TMEM236: variants seen among roughly 807,000 people sequenced by gnomAD.
The protein encoded by TMEM236 is transmembrane protein 236.
TMEM236 carries 11 observed loss-of-function variants against 14.7 expected under a neutral mutation model. That is an observed-to-expected ratio of 0.75 (90% CI 0.47 to 1.24). TMEM236 has a LOEUF of 1.24. TMEM236 is among the 50% of genes most tolerant of loss of function. The probability of loss-of-function intolerance (pLI) is 0.00; values close to 1 mark genes in which losing one functional copy is unlikely to be tolerated. For synonymous variants in TMEM236, 182 were observed against 168.6 expected (o/e 1.08, Z -0.62); for missense variants, 464 against 427.3 (o/e 1.09, Z -0.76).
chr10:17,771,573 G>A (rs1564596307), intron 2 of TMEM236, among the ~76,000 whole-genome samples, 192 bp downstream of exon 2: 2 of 152,202 alleles, frequency 1.3e-5, no homozygotes, highest in South Asian at 2.1e-4. Context: ...GGAAAGTCTA[G>A]TAGCCAATTT....
In TMEM236 at chr10:17,796,148, C is replaced by T. The variant is rs1036833113; in HGVS notation, c.700C>T (p.Arg234Trp). ...ILRMMSRRDVRAELFLWSFLL... is the reference protein window; with the variant it reads ...ILRMMSRRDVWAELFLWSFLL... The stretch of plus-strand genomic sequence containing the variant: ...GAGAATGATGTCCCGGCGAGATGTC[C>T]GGGCAGAGTTATTCTTATGGAGCTT... Residue 234 changes from arginine to tryptophan, a missense_variant, in exon 4 of 4, where the codon CGG becomes TGG. Arg to Trp is a moderately radical substitution (Grantham distance 101, BLOSUM62 -3). Transcript: ENST00000377495. The T allele has an allele frequency of 1.1e-4, 171 of 1,613,868 alleles. No homozygotes were observed. The East Asian group carries it at 2.4e-3, about 22-fold the overall frequency.
At chr10:17,795,557 CTA>C (rs1397961307) in intron 3 of TMEM236, among the ~76,000 whole-genome samples, 2 of 152,186 alleles carry the variant, frequency 1.3e-5, no homozygotes, top group Non-Finnish European at 2.9e-5. Context: ...TTCTCCACCT[CTA>C]TGTTTTTTCA....
intron 2 of TMEM236, among the ~76,000 whole-genome samples, chr10:17,772,130 G>A (rs1002827938): frequency 6.2e-4 from 95 of 152,276 alleles, no homozygotes; most frequent in Middle Eastern, 3.4e-3. Flanking sequence ...GGGGACCCAG[G>A]AAATATGGCC....
chr10:17,752,618 G>A, intron 1 of TMEM236, 66 bp downstream of exon 1: 1 of 1,518,568 alleles, frequency 6.6e-7, no homozygotes, highest in African/African-American at 1.4e-5. Context: ...CCAGGCTGGA[G>A]TGCAGTAGGG....
At chr10:17,791,379 GTC>G (rs1327281074) in intron 3 of TMEM236, among the ~76,000 whole-genome samples, 2 of 152,060 alleles carry the variant, frequency 1.3e-5, no homozygotes, top group African/African-American at 4.8e-5. Context: ...GATCGCTTGA[GTC>G]TGAGAGTTGG....
Position 17,776,166 on chromosome 10 carries a change from A to G in TMEM236, c.468A>G (p.Gln156=). 1 of 1,611,978 alleles carries G rather than the reference A, an allele frequency of 6.2e-7. No homozygotes were observed. Residue 156 remains glutamine (Q), a synonymous_variant, in exon 3 of 4, where the codon CAA becomes CAG. Coordinates refer to ENST00000377495, the MANE Select transcript of TMEM236 (RefSeq NM_001098844.3). ...KLRIYPLRGS[Q]KSSENGHIHS... Reference sequence around the variant, plus strand: ...GGATATATCCTCTTAGAGGGAGTCAAAAGAGTAAGTGTTCTTTTAAATGTG... The same window carrying G: ...GGATATATCCTCTTAGAGGGAGTCAGAAGAGTAAGTGTTCTTTTAAATGTG...
chr10:17,766,487 C>A (rs1276532747), intron 1 of TMEM236, among the ~76,000 whole-genome samples: 1 of 152,166 alleles, frequency 6.6e-6, no homozygotes. Flanking sequence ...TATATCCCTC[C>A]TCTTTTCTTT....
At chr10:17,768,978 T>C (rs1449139358) in intron 1 of TMEM236, among the ~76,000 whole-genome samples, 1 of 152,198 alleles carries the variant, frequency 6.6e-6, no homozygotes, top group East Asian at 1.9e-4. Flanking sequence ...TAAGTACATT[T>C]ACATTGTTGT....
At chr10:17,779,730 A>G (rs983696535) in intron 3 of TMEM236, among the ~76,000 whole-genome samples, 3 of 152,214 alleles carry the variant, frequency 2.0e-5, no homozygotes, top group Admixed American at 2.0e-4. Context: ...GTTTTAAACC[A>G]GACCCACAGT....
chr10:17,775,920 T>C, intron 2 of TMEM236, 109 bp from the exon 3 acceptor site: 2 of 1,406,492 alleles, frequency 1.4e-6, no homozygotes, highest in Non-Finnish European at 1.0e-6. Context: ...TTCTAGTTTT[T>C]TAGTAAATGT....
chr10:17,780,958 A>G (rs1362414582), intron 3 of TMEM236, among the ~76,000 whole-genome samples: 1 of 152,040 alleles, frequency 6.6e-6, no homozygotes, highest in Non-Finnish European at 1.5e-5. Context: ...TTTACATAGC[A>G]CCCAGAAAAG....
chr10:17,795,392 G>T (rs1487932422), intron 3 of TMEM236, among the ~76,000 whole-genome samples: 3 of 152,088 alleles, frequency 2.0e-5, no homozygotes, highest in Non-Finnish European at 4.4e-5. Flanking sequence ...TTGTAAAATG[G>T]GATAGTAATC....
intron 2 of TMEM236, among the ~76,000 whole-genome samples, chr10:17,772,179 TAAAC>T (rs1837583819): frequency 2.0e-5 from 3 of 151,994 alleles, no homozygotes; most frequent in Admixed American, 1.3e-4. Flanking sequence ...GAGAGAAAAA[TAAAC>T]AGGCAATTAG....
At chr10:17,765,572 T>C (rs1394566480) in intron 1 of TMEM236, among the ~76,000 whole-genome samples, 2 of 152,104 alleles carry the variant, frequency 1.3e-5, no homozygotes, top group Non-Finnish European at 1.5e-5. Context: ...CCACATACAA[T>C]GGTGGAGCAG....
chr10:17,771,137 G>A (rs1432286243), intron 1 of TMEM236, 172 bp from the exon 2 acceptor site: 4 of 639,364 alleles, frequency 6.3e-6, no homozygotes, highest in African/African-American at 5.5e-5. Context: ...TCTGGTTTCT[G>A]CGCGTGTTCC....
Position 17,752,228 on chromosome 10 carries a change from G to A in TMEM236, c.-68G>A. The A allele has an allele frequency of 3.7e-6, 6 of 1,613,568 alleles. No homozygotes were observed. In the South Asian group the frequency reaches 6.6e-5, roughly 18 times the overall value. On this transcript the variant is annotated 5_prime_UTR_variant, in exon 1 of 4. The change creates a new upstream start codon in the 5' untranslated region. Coordinates refer to ENST00000377495, the MANE Select transcript of TMEM236 (RefSeq NM_001098844.3). ...GGAACTTGATCCCAGTTCAGTGTCT[G>A]TGGGTCCATATGCTGCCCACAGTCA...
At chr10:17,771,629 G>C (rs1485333876) in intron 2 of TMEM236, among the ~76,000 whole-genome samples, 1 of 152,132 alleles carries the variant, frequency 6.6e-6, no homozygotes, top group African/African-American at 2.4e-5. Context: ...AATGATATTT[G>C]AACGTTTAAA....
At chr10:17,761,514 G>A (rs1259124253) in intron 1 of TMEM236, among the ~76,000 whole-genome samples, 16 of 152,098 alleles carry the variant, frequency 1.1e-4, no homozygotes, top group African/African-American at 3.4e-4. Flanking sequence ...CCAACATGGT[G>A]GAACCCCATC....
intron 1 of TMEM236, among the ~76,000 whole-genome samples, chr10:17,753,253 TTGTC>T (rs1677415024): frequency 6.6e-6 from 1 of 152,230 alleles, no homozygotes; most frequent in Admixed American, 6.5e-5. Flanking sequence ...ATTTGTTTGT[TTGTC>T]TGTTGTTTGA....
Sources: gnomAD v4.1 joint callset for allele counts (sites outside exome capture counted in the v4.1 genomes callset) on GRCh38, gnomAD v4.1.1 for gene constraint, MANE v1.5 for transcripts, NCBI Gene and HGNC (gene_info 2026-07-23, HGNC 2026-07-21) for gene names.